Variants in NPIPA1 observed in about 807,000 individuals in gnomAD.
The protein encoded by NPIPA1 is nuclear pore complex-interacting protein family member A1.
For synonymous variants in NPIPA1, 7 were observed against 88.0 expected, an observed-to-expected ratio of 0.08 and a Z score of 5.15; for missense variants, 22 against 232.2, an observed-to-expected ratio of 0.09 and a Z score of 5.88.
intron 1 of NPIPA1, among the ~76,000 whole-genome samples, chr16:14,940,583 T>G (rs1965726608): frequency 2.2e-5 from 3 of 138,478 alleles, no homozygotes; most frequent in Non-Finnish European, 3.1e-5. Context: ...GGCAGGCGCC[T>G]GTAATCCCAG....
At chr16:14,945,229 T>TGTGTGTGC (rs1567575363) in intron 2 of NPIPA1, among the ~76,000 whole-genome samples, 38 of 136,934 alleles carry the variant, frequency 2.8e-4, no homozygotes, top group East Asian at 9.3e-4. Flanking sequence ...TCTTGTGTGG[T>TGTGTGTGC]GTGTGTGTGT....
chr16:14,943,713 G>A (rs1443867170), intron 2 of NPIPA1, among the ~76,000 whole-genome samples: 122 of 151,192 alleles, frequency 8.1e-4, no homozygotes, highest in African/African-American at 2.8e-3. Flanking sequence ...ATGAAATCTA[G>A]CAGTAGCTGT....
intron 4 of NPIPA1, among the ~76,000 whole-genome samples, chr16:14,947,796 C>T (rs1172600528): frequency 2.0e-5 from 3 of 152,244 alleles, no homozygotes; most frequent in South Asian, 2.1e-4. Context: ...CTTAGCCTCC[C>T]TCCAGAGTCA....
chr16:14,947,115 T>A (rs1461121591), intron 4 of NPIPA1, among the ~76,000 whole-genome samples: 1 of 152,262 alleles, frequency 6.6e-6, no homozygotes, highest in Non-Finnish European at 1.5e-5. Context: ...CAGCCTGGAT[T>A]GTTGAACTCA....
intron 2 of NPIPA1, among the ~76,000 whole-genome samples, chr16:14,943,535 G>A (rs1965804399): frequency 6.7e-6 from 1 of 149,126 alleles, no homozygotes; most frequent in East Asian, 2.1e-4. Flanking sequence ...GGACAACTTT[G>A]TACCTCTCAT....
At chr16:14,945,319 G>A (rs1046612206) in intron 2 of NPIPA1, among the ~76,000 whole-genome samples, 16 of 145,032 alleles carry the variant, frequency 1.1e-4, no homozygotes, top group Admixed American at 4.2e-4. Context: ...GTGTGATCTC[G>A]GCTCACTGCA....
intron 1 of NPIPA1, among the ~76,000 whole-genome samples, chr16:14,938,738 A>G (rs1336057617): frequency 1.3e-5 from 2 of 151,762 alleles, no homozygotes; most frequent in East Asian, 2.0e-4. Context: ...ATCTGGTTTG[A>G]TGACTTTTTT....
At chr16:14,947,372 C>T (rs1285806852) in intron 4 of NPIPA1, among the ~76,000 whole-genome samples, 1 of 151,830 alleles carries the variant, frequency 6.6e-6, no homozygotes, top group African/African-American at 2.4e-5. Context: ...CAGGCTCAGT[C>T]CCTACAAAGG....
chr16:14,942,621 CATG>C (rs1965776718), intron 2 of NPIPA1, among the ~76,000 whole-genome samples: 1 of 152,120 alleles, frequency 6.6e-6, no homozygotes, highest in Non-Finnish European at 1.5e-5. Flanking sequence ...CACTGCGTCT[CATG>C]ATGCAGAGAA....
At chr16:14,943,145 T>G in intron 2 of NPIPA1, among the ~76,000 whole-genome samples, 1 of 38,760 alleles carries the variant, frequency 2.6e-5, no homozygotes, top group South Asian at 7.4e-4. Flanking sequence ...TGGAGGAAGC[T>G]TTTTTTTTTT....
At chr16:14,947,223 A>G (rs1175423533) in intron 4 of NPIPA1, among the ~76,000 whole-genome samples, 38 of 152,244 alleles carry the variant, frequency 2.5e-4, no homozygotes, top group African/African-American at 9.2e-4. Context: ...TTTTTGTTAA[A>G]TGTGAGATAC....
intron 4 of NPIPA1, among the ~76,000 whole-genome samples, chr16:14,946,623 G>A (rs1314525001): frequency 2.1e-5 from 3 of 143,688 alleles, no homozygotes; most frequent in Non-Finnish European, 3.0e-5. Context: ...CTCCCAGTTT[G>A]AAGCAATTCT....
At chr16:14,943,838 C>G (rs1361714374) in intron 2 of NPIPA1, among the ~76,000 whole-genome samples, 1 of 151,892 alleles carries the variant, frequency 6.6e-6, no homozygotes, top group African/African-American at 2.4e-5. Flanking sequence ...AAAACAAATT[C>G]TACAAAGAAT....
intron 5 of NPIPA1, chr16:14,949,616 G>A (rs1429976199): frequency 1.5e-6 from 1 of 650,602 alleles, no homozygotes; most frequent in Non-Finnish European, 2.5e-6. Context: ...TTGTTTTTCT[G>A]AGATGGAGTC....
At chr16:14,945,240 G>A (rs1965857089) in intron 2 of NPIPA1, among the ~76,000 whole-genome samples, 1 of 147,878 alleles carries the variant, frequency 6.8e-6, no homozygotes, top group African/African-American at 2.5e-5. Flanking sequence ...GTGTGTGTGT[G>A]TGTGTGTGTG....
Position 14,949,509 on chromosome 16 carries a change from A to G in NPIPA1, c.545+472A>G, listed in dbSNP as rs1450255482. 37 of 130,958 alleles carry G rather than the reference A, an allele frequency of 2.8e-4. 3 individuals carry two copies. Among genetic ancestry groups the G allele is most frequent in the African/African-American group, 9.9e-4 (29 of 29,220 alleles). 8.1% of individuals were successfully genotyped at this position (130,958 alleles called of 1,614,324 possible). ...GGATATACTGAGAATGGGGAAGGAA[A>G]CTATCATCTCAGAAGTCAGGCAGTA... On this transcript the variant is annotated intron_variant, in intron 5 of 7. Coordinates refer to ENST00000328085, the MANE Select transcript of NPIPA1 (RefSeq NM_006985.4).
At chr16:14,947,316 G>A (rs1265862925) in intron 4 of NPIPA1, among the ~76,000 whole-genome samples, 3 of 152,122 alleles carry the variant, frequency 2.0e-5, no homozygotes, top group Non-Finnish European at 2.9e-5. Flanking sequence ...ACTTCTGGGG[G>A]ATGGTCAGGG....
intron 1 of NPIPA1, among the ~76,000 whole-genome samples, chr16:14,938,742 CTT>C (rs1207569602): frequency 6.7e-6 from 1 of 149,294 alleles, no homozygotes. Context: ...GGTTTGATGA[CTT>C]TTTTTTTTTT....
chr16:14,947,156 C>T (rs1231847281), intron 4 of NPIPA1, among the ~76,000 whole-genome samples: 1 of 152,274 alleles, frequency 6.6e-6, no homozygotes, highest in African/African-American at 2.4e-5. Context: ...TTCATTTTCA[C>T]AGTCTTTCAT....
Sources: allele counts gnomAD v4.1 joint callset (sites outside exome capture counted in the v4.1 genomes callset), GRCh38; gene constraint gnomAD v4.1.1; transcripts MANE v1.5; gene names NCBI Gene and HGNC (gene_info 2026-07-23, HGNC 2026-07-21).